Variants in AGFG1 observed in about 807,000 individuals in gnomAD.
AGFG1 encodes the protein ArfGAP with FG repeats 1.
Under a neutral mutation model 60.6 loss-of-function variants are expected in AGFG1, and 10 were observed. The observed-to-expected ratio is 0.16, with a 90% confidence interval of 0.10 to 0.28. The LOEUF (loss-of-function observed/expected upper bound fraction) is 0.28. Among genes scored for constraint, AGFG1 ranks in the 10% least tolerant of loss-of-function variants. AGFG1 has a pLI of 1.00. For synonymous variants in AGFG1, 247 were observed against 242.9 expected, an observed-to-expected ratio of 1.02 and a Z score of -0.16; for missense variants, 537 against 676.5, an observed-to-expected ratio of 0.79 and a Z score of 2.29.
intron 2 of AGFG1, among the ~76,000 whole-genome samples, chr2:227,497,630 A>G (rs1169337625): frequency 6.6e-6 from 1 of 151,652 alleles, no homozygotes; most frequent in Non-Finnish European, 1.5e-5. Context: ...TGCCCTCAAG[A>G]CATTATAGAC....
intron 5 of AGFG1, 34 bp from the exon 6 acceptor site, chr2:227,531,057 T>G (rs1050927190): frequency 1.3e-5 from 20 of 1,567,874 alleles, no homozygotes; most frequent in Non-Finnish European, 1.7e-5. Context: ...AGTTTTCATA[T>G]TCATTAACAT....
intron 2 of AGFG1, among the ~76,000 whole-genome samples, chr2:227,517,256 A>C (rs543330544): frequency 6.6e-6 from 1 of 152,274 alleles, no homozygotes; most frequent in Non-Finnish European, 1.5e-5. Flanking sequence ...ATAGGAAGGA[A>C]CCACAAGAAA....
intron 2 of AGFG1, among the ~76,000 whole-genome samples, chr2:227,504,283 C>T (rs1201784941): frequency 6.6e-6 from 1 of 151,244 alleles, no homozygotes; most frequent in Non-Finnish European, 1.5e-5. Context: ...GCCTTGACTT[C>T]CTGGGCTCAG....
chr2:227,485,674 T>TTG (rs1553539601), intron 1 of AGFG1, among the ~76,000 whole-genome samples: 1 of 42,518 alleles, frequency 2.4e-5, no homozygotes, highest in Non-Finnish European at 4.3e-5. Flanking sequence ...AGTTCATTAA[T>TTG]TCTCTCTAGT....
chr2:227,472,333 CGGCCAG>C lies in AGFG1; in HGVS notation c.-85_-80del. The C allele has an allele frequency of 2.3e-6, 2 of 869,488 alleles. No individual in the cohort carries two copies. The highest frequency in any genetic ancestry group is 2.8e-6 in the Non-Finnish European group (2 of 725,474). 53.9% of individuals were successfully genotyped at this position (869,488 alleles called of 1,614,324 possible). A position where few individuals can be genotyped will look rare whatever the true frequency, so the allele number is the denominator to read the frequency against. ...GCGCGCAGACGGAGGGCGGCGGCCG[CGGCCAG>C]GGCGGCCCGTGGGACCGCGGGCCCC... is the stretch of plus-strand genomic sequence containing the variant. On this transcript the variant is annotated 5_prime_UTR_variant, in exon 1 of 13. Transcript: ENST00000310078.
chr2:227,531,293 A>T (rs2106217953), intron 6 of AGFG1, 83 bp downstream of exon 6: 2 of 1,453,050 alleles, frequency 1.4e-6, no homozygotes, highest in South Asian at 1.4e-5. Flanking sequence ...ATTAGTCTAA[A>T]CTTAAATTCT....
intron 2 of AGFG1, among the ~76,000 whole-genome samples, chr2:227,496,744 A>G (rs544633260): frequency 6.6e-6 from 1 of 152,310 alleles, no homozygotes; most frequent in African/African-American, 2.4e-5. Flanking sequence ...TTCTTGTCAG[A>G]TAGTATTTAT....
Position 227,515,953 on chromosome 2 carries a change from C to T in AGFG1, c.262-3995C>T, listed in dbSNP as rs549409429. ...ATAAGGAATTAGAGATTGATGTTTT[C>T]CCAGGTGTGTCACTGAAACACTGTC... On this transcript the variant is annotated intron_variant, in intron 2 of 12. Transcript: ENST00000310078. Among the ~76,000 whole-genome samples, 3 of 152,252 alleles carry T rather than the reference C, an allele frequency of 2.0e-5. No homozygotes were observed. In the East Asian group the frequency reaches 5.8e-4, roughly 29 times the overall value.
Position 227,472,446 on chromosome 2 carries a change from CAGG to C in AGFG1, c.31_33del (p.Glu11del). The C allele has an allele frequency of 6.5e-7, 1 of 1,544,314 alleles. No homozygotes were observed. The highest frequency in any genetic ancestry group is 2.7e-5 in the East Asian group (1 of 36,860). ...CATGGCGGCCAGCGCGAAGCGGAAG[CAGG>C]AGGAGAAGCACCTGAAGATGCTGCG... is the stretch of plus-strand genomic sequence containing the variant. On this transcript the variant is annotated inframe_deletion, in exon 1 of 13. Transcript: ENST00000310078.
intron 1 of AGFG1, among the ~76,000 whole-genome samples, chr2:227,481,644 C>G (rs1385315823): frequency 6.6e-6 from 1 of 152,086 alleles, no homozygotes; most frequent in East Asian, 1.9e-4. Context: ...GGACTCTTCT[C>G]TTGTTCTCTG....
intron 8 of AGFG1, 105 bp from the exon 9 acceptor site, chr2:227,536,520 A>G: frequency 1.2e-6 from 1 of 831,470 alleles, no homozygotes; most frequent in Non-Finnish European, 2.0e-6. Flanking sequence ...GTTGATACTG[A>G]TGCTGTGATA....
At chr2:227,513,621 A>T (rs1691560436) in intron 2 of AGFG1, among the ~76,000 whole-genome samples, 1 of 152,124 alleles carries the variant, frequency 6.6e-6, no homozygotes, top group South Asian at 2.1e-4. Flanking sequence ...TGATTTCCTT[A>T]CAACCCACCT....
Position 227,492,906 on chromosome 2 carries a change from T to G in AGFG1, c.261+1266T>G, listed in dbSNP as rs1482795677. On this transcript the variant is annotated intron_variant, in intron 2 of 12. Transcript: ENST00000310078. ...CTTGTGTAAAGTTTACAAGTAGGAT[T>G]AACTTAACATTGCACACTTGAAGTT... Among the ~76,000 whole-genome samples, 4 of 152,258 alleles carry G rather than the reference T, an allele frequency of 2.6e-5. No individual in the cohort carries two copies. The East Asian group carries it at 7.7e-4, about 29-fold the overall frequency.
chr2:227,518,071 T>TG (rs923226646), intron 2 of AGFG1, among the ~76,000 whole-genome samples: 20 of 152,174 alleles, frequency 1.3e-4, no homozygotes, highest in Admixed American at 2.6e-4. Flanking sequence ...TACGTTTTGG[T>TG]GGGGGGGTGC....
intron 3 of AGFG1, 136 bp downstream of exon 3, chr2:227,520,199 C>T (rs1216533866): frequency 1.9e-6 from 1 of 523,420 alleles, no homozygotes. Flanking sequence ...TATCCCTTGG[C>T]TTTTTGTTGG....
At chr2:227,542,886 GTGT>G (rs56002439) in intron 10 of AGFG1, among the ~76,000 whole-genome samples, 152,008 of 152,170 alleles carry the variant, frequency 1, 75,925 homozygotes, top group Middle Eastern at 1. Context: ...TCTTGAGAGG[GTGT>G]TGTATGTGTC....
intron 1 of AGFG1, among the ~76,000 whole-genome samples, chr2:227,474,116 C>T (rs781687156): frequency 6.6e-6 from 1 of 152,106 alleles, no homozygotes; most frequent in African/African-American, 2.4e-5. Context: ...AATCACAGAG[C>T]TAGGTGATAT....
intron 2 of AGFG1, among the ~76,000 whole-genome samples, chr2:227,514,566 C>T (rs1267752668): frequency 4.6e-5 from 7 of 152,132 alleles, no homozygotes; most frequent in Non-Finnish European, 7.3e-5. Flanking sequence ...AACTCTAAAC[C>T]TCCCTATGAA....
chr2:227,530,345 C>T (rs1020720259), intron 5 of AGFG1, among the ~76,000 whole-genome samples: 2 of 151,960 alleles, frequency 1.3e-5, no homozygotes, highest in Admixed American at 6.6e-5. Flanking sequence ...CACTTATAAT[C>T]GATTGTTGAA....
Sources: gnomAD v4.1 joint callset for allele counts (sites outside exome capture counted in the v4.1 genomes callset) on GRCh38, gnomAD v4.1.1 for gene constraint, MANE v1.5 for transcripts, NCBI Gene and HGNC (gene_info 2026-07-23, HGNC 2026-07-21) for gene names.